Variants in SMYD3 observed in about 807,000 individuals in gnomAD.
The protein encoded by SMYD3 is SET and MYND domain containing 3.
In SMYD3, 36 loss-of-function variants were observed where a neutral mutation model predicts 57.7. That is an observed-to-expected ratio of 0.62 (90% CI 0.48 to 0.82). SMYD3 has a LOEUF of 0.82. Among genes scored for constraint, SMYD3 ranks in the 40% least tolerant of loss-of-function variants. The pLI, the probability that SMYD3 is intolerant of heterozygous loss-of-function variation, is 0.00. For missense variants in SMYD3, 515 were observed against 538.8 expected (o/e 0.96, Z 0.44); for synonymous variants, 211 against 195.0 (o/e 1.08, Z -0.68).
intron 5 of SMYD3, among the ~76,000 whole-genome samples, chr1:246,201,211 C>T (rs1336903176): frequency 6.6e-6 from 1 of 152,174 alleles, no homozygotes; most frequent in East Asian, 1.9e-4. Context: ...GTAAGTCTAT[C>T]AGTCCTTATA....
At chr1:246,392,788 AAAAAAG>A (rs942991743) in intron 1 of SMYD3, among the ~76,000 whole-genome samples, 2 of 126,512 alleles carry the variant, frequency 1.6e-5, no homozygotes, top group African/African-American at 3.1e-5. Flanking sequence ...AACAGCAAAA[AAAAAAG>A]AAAAAGAAAA....
chr1:246,095,476 C>A (rs1017879749), intron 5 of SMYD3, among the ~76,000 whole-genome samples: 1 of 152,146 alleles, frequency 6.6e-6, no homozygotes, highest in Non-Finnish European at 1.5e-5. Flanking sequence ...TCTTTGGGAG[C>A]ACAGATTAGG....
chr1:246,318,636 C>T (rs6687770), intron 5 of SMYD3, among the ~76,000 whole-genome samples: 23,044 of 152,166 alleles, frequency 0.15, 2,250 homozygotes, highest in East Asian at 0.3. Context: ...TGACAGTAAC[C>T]TTTGCCATTT....
At chr1:246,432,546 G>T (rs577094441) in intron 1 of SMYD3, among the ~76,000 whole-genome samples, 17 of 152,326 alleles carry the variant, frequency 1.1e-4, no homozygotes, top group Middle Eastern at 6.8e-3. Flanking sequence ...TCTCTTTAAT[G>T]AGTTTACTCA....
intron 5 of SMYD3, among the ~76,000 whole-genome samples, chr1:246,180,249 CAT>C (rs1441842408): frequency 2.2e-5 from 3 of 137,120 alleles, no homozygotes; most frequent in African/African-American, 5.8e-5. Context: ...TATTAGAAAA[CAT>C]AATCTCTCTC....
At chr1:246,226,240 T>G (rs979934453) in intron 5 of SMYD3, among the ~76,000 whole-genome samples, 1 of 152,340 alleles carries the variant, frequency 6.6e-6, no homozygotes, top group Middle Eastern at 3.4e-3. Context: ...TGCTTCATAC[T>G]GATACCGAAT....
At position 246,506,405 on chromosome 1, in the gene SMYD3, C is replaced by T. The variant is rs181191306; in HGVS notation, c.164+649G>A. On this transcript the variant is annotated intron_variant, in intron 1 of 11. Transcript: ENST00000490107. ...TTAAATGGCACAGCACACGGGGGAC[C>T]CGTGTCTGATGCTCCCACAGCACAT... Among the ~76,000 whole-genome samples, 375 of 152,298 alleles carry T rather than the reference C, an allele frequency of 2.5e-3. 1 individual carries two copies. Among genetic ancestry groups the T allele is most frequent in the Admixed American group, 3.7e-3 (57 of 15,296 alleles).
chr1:245,790,207 G>C (rs1322816283), intron 10 of SMYD3, among the ~76,000 whole-genome samples: 1 of 152,150 alleles, frequency 6.6e-6, no homozygotes, highest in Admixed American at 6.5e-5. Flanking sequence ...GTAAAAATTA[G>C]GCTGATGAAA....
rs189936814 is a variant in SMYD3 at position 246,151,083 on chromosome 1, T to A, written c.531+176118A>T. On this transcript the variant is annotated intron_variant, in intron 5 of 11. Transcript: ENST00000490107. Reference sequence around the variant, plus strand: ...CAAGATGGTGAAACCCTGTCTCTACTAAAAATCCAAAAATTAGCCAGGCGC... The same window carrying A: ...CAAGATGGTGAAACCCTGTCTCTACAAAAAATCCAAAAATTAGCCAGGCGC... Among the ~76,000 whole-genome samples, 303 of 152,216 alleles carry A rather than the reference T, an allele frequency of 2.0e-3. 2 individuals are homozygous for A. Among genetic ancestry groups the A allele is most frequent in the African/African-American group, 7.2e-3 (297 of 41,524 alleles).
intron 1 of SMYD3, among the ~76,000 whole-genome samples, chr1:246,495,273 C>T (rs564161928): frequency 6.8e-4 from 96 of 141,086 alleles, no homozygotes; most frequent in African/African-American, 2.5e-3. Context: ...GGCATGAACC[C>T]GGGAGGCGGA....
intron 5 of SMYD3, among the ~76,000 whole-genome samples, chr1:245,943,618 G>A (rs1034606532): frequency 5.3e-5 from 8 of 152,094 alleles, no homozygotes; most frequent in Admixed American, 2.6e-4. Flanking sequence ...GGGACTCCTC[G>A]CTAACTTATT....
At chr1:245,883,634 C>T (rs1351157205) in intron 8 of SMYD3, among the ~76,000 whole-genome samples, 1 of 152,206 alleles carries the variant, frequency 6.6e-6, no homozygotes, top group Non-Finnish European at 1.5e-5. Flanking sequence ...AGCCCCTGCT[C>T]TTCACTGTCC....
intron 9 of SMYD3, among the ~76,000 whole-genome samples, chr1:245,859,924 G>A (rs1226135323): frequency 2.0e-5 from 3 of 152,134 alleles, no homozygotes; most frequent in Non-Finnish European, 4.4e-5. Flanking sequence ...GTCAACGTAA[G>A]AATGAGTAAT....
chr1:246,166,609 G>A (rs890361945), intron 5 of SMYD3, among the ~76,000 whole-genome samples: 34 of 152,258 alleles, frequency 2.2e-4, no homozygotes, highest in African/African-American at 7.9e-4. Context: ...TGGGAACCAC[G>A]TCAGTCATTG....
rs193177549 is a variant in SMYD3 at position 245,894,663 on chromosome 1, G to C, written c.813+20867C>G. On this transcript the variant is annotated intron_variant, in intron 8 of 11. Transcript: ENST00000490107. ...ATTCTAATTTCCAGTAGTATCTGAG[G>C]AAGAATCACCTTATTGTACTAGACT... is the stretch of plus-strand genomic sequence containing the variant. 1.3e-3 allele frequency among the ~76,000 whole-genome samples: 191 copies of C among 152,290 alleles called. 1 individual carries two copies. The highest frequency in any genetic ancestry group is 4.2e-3 in the African/African-American group (174 of 41,562).
chr1:245,943,732 A>G (rs900686564), intron 5 of SMYD3, among the ~76,000 whole-genome samples: 9 of 152,238 alleles, frequency 5.9e-5, no homozygotes, highest in African/African-American at 1.9e-4. Context: ...GAAAATCCTC[A>G]ATAAAATACT....
intron 5 of SMYD3, among the ~76,000 whole-genome samples, chr1:246,036,526 CTCT>C (rs1416004254): frequency 7.5e-6 from 1 of 133,792 alleles, no homozygotes; most frequent in Non-Finnish European, 1.5e-5. Flanking sequence ...TTTCTCTGTA[CTCT>C]TCTTTCTCTC....
intron 1 of SMYD3, among the ~76,000 whole-genome samples, chr1:246,431,826 A>C (rs559815189): frequency 1.3e-5 from 2 of 152,346 alleles, no homozygotes; most frequent in Admixed American, 1.3e-4. Flanking sequence ...ACTCTAGGCA[A>C]CAAGTTCAAT....
chr1:246,116,330 T>C (rs750886584), intron 5 of SMYD3, among the ~76,000 whole-genome samples: 5 of 151,852 alleles, frequency 3.3e-5, no homozygotes, highest in Admixed American at 6.6e-5. Flanking sequence ...GTAAATCACA[T>C]TGAGGAGGTT....
Sources: gnomAD v4.1 joint callset for allele counts (sites outside exome capture counted in the v4.1 genomes callset) on GRCh38, gnomAD v4.1.1 for gene constraint, MANE v1.5 for transcripts, NCBI Gene and HGNC (gene_info 2026-07-23, HGNC 2026-07-21) for gene names.